Variants in AFG2A observed in about 807,000 individuals in gnomAD.
The protein encoded by AFG2A is AAA ATPase AFG2A.
At chr4:122,947,764 A>T in the AFG2A span, among the ~76,000 whole-genome samples, 1 of 152,190 alleles carries the variant, frequency 6.6e-6, no homozygotes, top group African/African-American at 2.4e-5. Flanking sequence ...TCAGCATCTG[A>T]GGAGTCAACC....
chr4:123,003,833 G>C, the AFG2A span, among the ~76,000 whole-genome samples: 1 of 152,138 alleles, frequency 6.6e-6, no homozygotes, highest in Non-Finnish European at 1.5e-5. Flanking sequence ...CTGCTGTCCT[G>C]AAAGCTGTCA....
chr4:123,197,630 A>G, the AFG2A span, among the ~76,000 whole-genome samples: 42 of 152,036 alleles, frequency 2.8e-4, no homozygotes, highest in Non-Finnish European at 5.7e-4. Flanking sequence ...TTAGCCGGGC[A>G]CAGTGGCGGC....
the AFG2A span, among the ~76,000 whole-genome samples, chr4:123,072,488 T>C: frequency 1.3e-5 from 2 of 152,002 alleles, no homozygotes; most frequent in Non-Finnish European, 2.9e-5. Flanking sequence ...AACAAGGAGG[T>C]TTAATTTTGT....
At chr4:123,083,620 G>A in the AFG2A span, among the ~76,000 whole-genome samples, 1 of 149,622 alleles carries the variant, frequency 6.7e-6, no homozygotes. Context: ...ACAAGCTGGA[G>A]TGTAGTGGCA....
chr4:123,045,779 G>A, the AFG2A span, among the ~76,000 whole-genome samples: 6,190 of 152,100 alleles, frequency 0.041, 407 homozygotes, highest in African/African-American at 0.14. Flanking sequence ...TATTTTGTGG[G>A]AAGTTATTTT....
the AFG2A span, among the ~76,000 whole-genome samples, chr4:123,100,037 G>A: frequency 4.0e-5 from 6 of 151,800 alleles, no homozygotes; most frequent in South Asian, 8.3e-4. Flanking sequence ...AATACATGTT[G>A]CTGTCAATAC....
the AFG2A span, among the ~76,000 whole-genome samples, chr4:122,949,964 T>C: frequency 6.6e-6 from 1 of 152,222 alleles, no homozygotes; most frequent in Non-Finnish European, 1.5e-5. Context: ...CACGTAATGA[T>C]GTGCTCCCCA....
At chr4:123,137,230 T>C in the AFG2A span, among the ~76,000 whole-genome samples, 1 of 152,228 alleles carries the variant, frequency 6.6e-6, no homozygotes, top group Non-Finnish European at 1.5e-5. Context: ...CGGGGGTTGA[T>C]GACCCCTGAT....
chr4:123,143,884 A>G, the AFG2A span, among the ~76,000 whole-genome samples: 1 of 127,316 alleles, frequency 7.9e-6, no homozygotes, highest in Admixed American at 7.8e-5. Flanking sequence ...AGCTAAATCT[A>G]TTTTTCCTTC....
chr4:123,243,327 G>A, the AFG2A span, among the ~76,000 whole-genome samples: 5 of 152,282 alleles, frequency 3.3e-5, no homozygotes, highest in African/African-American at 1.2e-4. Context: ...ATTCACGATA[G>A]TAAAGACTTG....
the AFG2A span, among the ~76,000 whole-genome samples, chr4:122,992,535 G>C: frequency 2.6e-5 from 4 of 152,176 alleles, no homozygotes; most frequent in East Asian, 7.7e-4. Flanking sequence ...ACTTATTTTG[G>C]TATAGAAAAC....
the AFG2A span, among the ~76,000 whole-genome samples, chr4:123,170,856 G>A: frequency 5.9e-5 from 9 of 151,722 alleles, no homozygotes; most frequent in Admixed American, 4.6e-4. Flanking sequence ...TAAAAAAACC[G>A]TTAGTTTTGT....
chr4:123,079,085 A>G, the AFG2A span, among the ~76,000 whole-genome samples: 2 of 152,220 alleles, frequency 1.3e-5, no homozygotes, highest in African/African-American at 4.8e-5. Context: ...CCTTGAGGGA[A>G]TAGGGACAGT....
chr4:123,118,319 T>TATTATATATA, the AFG2A span, among the ~76,000 whole-genome samples: 1,866 of 100,920 alleles, frequency 0.018, 110 homozygotes, highest in African/African-American at 0.056. Context: ...ATATAATATA[T>TATTATATATA]ATTATATATA....
chr4:123,227,163 T>C, the AFG2A span, among the ~76,000 whole-genome samples: 1 of 152,208 alleles, frequency 6.6e-6, no homozygotes, highest in Non-Finnish European at 1.5e-5. Context: ...GAAAACCAGC[T>C]CCTGGATTCA....
the AFG2A span, among the ~76,000 whole-genome samples, chr4:123,080,274 AAGTTT>A: frequency 6.6e-6 from 1 of 152,198 alleles, no homozygotes; most frequent in Non-Finnish European, 1.5e-5. Flanking sequence ...GCGCTCTCTC[AAGTTT>A]GTGCTCTCAC....
the AFG2A span, among the ~76,000 whole-genome samples, chr4:123,163,453 CA>C: frequency 6.6e-6 from 1 of 151,878 alleles, no homozygotes; most frequent in African/African-American, 2.4e-5. Context: ...AAAAAACAAA[CA>C]AAAAAAACCC....
chr4:123,024,006 G>A, the AFG2A span, among the ~76,000 whole-genome samples: 2 of 151,838 alleles, frequency 1.3e-5, no homozygotes, highest in Non-Finnish European at 2.9e-5. Context: ...TAAATTAGAA[G>A]AGAGAGGAGT....
chr4:123,205,377 A>T, the AFG2A span, among the ~76,000 whole-genome samples: 1 of 151,702 alleles, frequency 6.6e-6, no homozygotes, highest in Non-Finnish European at 1.5e-5. Context: ...TATACATAAT[A>T]CAGTCAGCCC....
Sources: gnomAD v4.1 joint callset for allele counts (sites outside exome capture counted in the v4.1 genomes callset) on GRCh38, gnomAD v4.1.1 for gene constraint, MANE v1.5 for transcripts, NCBI Gene and HGNC (gene_info 2026-07-23, HGNC 2026-07-21) for gene names.